CNTNAP2: variants seen among roughly 807,000 people sequenced by gnomAD.
The protein encoded by CNTNAP2 is contactin associated protein 2.
A neutral mutation model predicts 155.2 loss-of-function variants in CNTNAP2; 98 were observed. The observed-to-expected ratio is 0.63, with a 90% CI of 0.54 to 0.75. The LOEUF (loss-of-function observed/expected upper bound fraction) is 0.75, where lower values mean the gene tolerates loss of function less well. CNTNAP2 is among the 30% of genes least tolerant of loss of function. The pLI is 0.00. For synonymous variants in CNTNAP2, 651 were observed against 631.2 expected, an observed-to-expected ratio of 1.03 and a Z score of -0.47; for missense variants, 1,727 against 1,688.1, an observed-to-expected ratio of 1.02 and a Z score of -0.40.
chr7:147,252,271 G>A (rs1046185516), intron 8 of CNTNAP2, among the ~76,000 whole-genome samples: 9 of 152,162 alleles, frequency 5.9e-5, no homozygotes, highest in African/African-American at 2.2e-4. Flanking sequence ...AAAACTGATA[G>A]TCAGCTGAGT....
intron 1 of CNTNAP2, among the ~76,000 whole-genome samples, chr7:146,638,457 T>G (rs547173472): frequency 2.0e-5 from 3 of 150,010 alleles, no homozygotes; most frequent in African/African-American, 7.3e-5. Context: ...TTAAAACAGT[T>G]TAATACAGTC....
intron 13 of CNTNAP2, among the ~76,000 whole-genome samples, chr7:147,851,225 C>T (rs1448727619): frequency 4.6e-5 from 7 of 151,968 alleles, no homozygotes; most frequent in Non-Finnish European, 1.0e-4. Flanking sequence ...CAATGAGATA[C>T]CATCTCACAC....
intron 12 of CNTNAP2, among the ~76,000 whole-genome samples, chr7:147,626,426 T>G (rs1223797644): frequency 6.6e-6 from 1 of 152,084 alleles, no homozygotes; most frequent in Non-Finnish European, 1.5e-5. Flanking sequence ...CCAAGATGTC[T>G]TTTGGCCTGA....
intron 1 of CNTNAP2, among the ~76,000 whole-genome samples, chr7:146,263,473 TG>T (rs1230183938): frequency 3.3e-5 from 5 of 152,214 alleles, no homozygotes; most frequent in Non-Finnish European, 7.3e-5. Context: ...AATATAATCT[TG>T]GGTTTTTTTA....
chr7:148,142,906 C>A (rs1472273148), intron 16 of CNTNAP2, among the ~76,000 whole-genome samples: 1 of 152,146 alleles, frequency 6.6e-6, no homozygotes, highest in Non-Finnish European at 1.5e-5. Flanking sequence ...TGGTTTTGTC[C>A]CAATCATTAC....
At chr7:147,388,299 A>G (rs1195468844) in intron 9 of CNTNAP2, among the ~76,000 whole-genome samples, 1 of 152,038 alleles carries the variant, frequency 6.6e-6, no homozygotes, top group South Asian at 2.1e-4. Context: ...CCAGATTCTT[A>G]CTGTACTTTC....
chr7:147,214,176 C>T (rs888966253), intron 8 of CNTNAP2, among the ~76,000 whole-genome samples: 3 of 152,150 alleles, frequency 2.0e-5, no homozygotes, highest in Non-Finnish European at 2.9e-5. Context: ...TTTACCTTTA[C>T]CCACTCACAT....
intron 15 of CNTNAP2, among the ~76,000 whole-genome samples, chr7:148,051,365 A>T (rs936397226): frequency 1.3e-5 from 2 of 152,068 alleles, no homozygotes; most frequent in African/African-American, 4.8e-5. Flanking sequence ...GTTGGTTGTT[A>T]AGTGGCCATC....
At chr7:146,360,901 C>T (rs565862764) in intron 1 of CNTNAP2, among the ~76,000 whole-genome samples, 138 of 152,288 alleles carry the variant, frequency 9.1e-4, no homozygotes, top group African/African-American at 3.0e-3. Context: ...TTCATCAATT[C>T]GTGGCCTTAA....
In CNTNAP2 at chr7:146,246,771, G is replaced by A. The variant is rs191296777; in HGVS notation, c.97+129798G>A. 9.4e-4 allele frequency among the ~76,000 whole-genome samples: 143 copies of A among 152,292 alleles called. 1 individual carries two copies. The highest frequency in any genetic ancestry group is 9.7e-4 in the East Asian group (5 of 5,162). On this transcript the variant is annotated intron_variant, in intron 1 of 23. Transcript: ENST00000361727. The stretch of plus-strand genomic sequence containing the variant: ...ATTTCTAGTGGTGTCCTGCACAGAT[G>A]GGACTCGGCTTAGGAGGAATCCTGG...
chr7:146,141,538 C>T (rs187414151), intron 1 of CNTNAP2, among the ~76,000 whole-genome samples: 55 of 152,120 alleles, frequency 3.6e-4, no homozygotes, highest in East Asian at 3.9e-4. Context: ...TATAAGTGTT[C>T]TATATTTAAA....
rs1798655473 is a variant in CNTNAP2 at position 147,837,691 on chromosome 7, C to G, written c.2099-65874C>G. 2.0e-5 allele frequency among the ~76,000 whole-genome samples: 3 copies of G among 152,206 alleles called. No individual in the cohort carries two copies. In the South Asian group the frequency reaches 6.2e-4, roughly 31 times the overall value. ...GGGTGCAGGCATTAGATAAATACAT[C>G]ATTCCAAATCGGAGAAATTGGCCAG... is the stretch of plus-strand genomic sequence containing the variant. On this transcript the variant is annotated intron_variant, in intron 13 of 23. Transcript: ENST00000361727.
chr7:146,950,638 G>A (rs10251062), intron 3 of CNTNAP2, among the ~76,000 whole-genome samples: 6,537 of 152,128 alleles, frequency 0.043, 163 homozygotes, highest in South Asian at 0.076. Flanking sequence ...CTTTTCTATG[G>A]CTGCATAATA....
rs538099632 is a variant in CNTNAP2, at chr7:146,961,283, C to T, written c.403-82624C>T. On this transcript the variant is annotated intron_variant, in intron 3 of 23. Coordinates refer to ENST00000361727, the MANE Select transcript of CNTNAP2 (RefSeq NM_014141.6). ...CACTCAGCCCAGGGAGGACTGCTTC[C>T]GGGGCAGGTCCCCTAGGTGCCAATA... 5.3e-5 allele frequency among the ~76,000 whole-genome samples: 8 copies of T among 152,226 alleles called. No individual in the cohort carries two copies. In the South Asian group the frequency reaches 6.2e-4, roughly 12 times the overall value.
chr7:146,914,103 A>G (rs991517071), intron 3 of CNTNAP2, among the ~76,000 whole-genome samples: 22 of 152,230 alleles, frequency 1.4e-4, no homozygotes, highest in African/African-American at 5.3e-4. Context: ...ATGGCTTTTT[A>G]AAAGTAATGT....
chr7:148,005,847 C>G (rs1027043526), intron 15 of CNTNAP2, among the ~76,000 whole-genome samples: 2 of 152,054 alleles, frequency 1.3e-5, no homozygotes, highest in African/African-American at 2.4e-5. Flanking sequence ...CTGAAGAGAC[C>G]TTTGTTTTGA....
intron 21 of CNTNAP2, among the ~76,000 whole-genome samples, chr7:148,309,009 C>T (rs1220184640): frequency 6.6e-6 from 1 of 152,124 alleles, no homozygotes; most frequent in Non-Finnish European, 1.5e-5. Flanking sequence ...CAACTCTTTG[C>T]TATTGTGAAT....
In CNTNAP2 at chr7:147,852,165, A is replaced by T. The variant is rs116425899; in HGVS notation, c.2099-51400A>T. Among the ~76,000 whole-genome samples the T allele has an allele frequency of 7.8e-3, 1,186 of 152,296 alleles. 17 individuals carry two copies. The highest frequency in any genetic ancestry group is 0.027 in the African/African-American group (1,130 of 41,560). Reference sequence around the variant, plus strand: ...TTATCACATGGCCGAACACTTTACAACATGAATTCATGAATTATGTAGTTA... The same window carrying T: ...TTATCACATGGCCGAACACTTTACATCATGAATTCATGAATTATGTAGTTA... On this transcript the variant is annotated intron_variant, in intron 13 of 23. Transcript: ENST00000361727.
intron 1 of CNTNAP2, among the ~76,000 whole-genome samples, chr7:146,557,274 C>G (rs955640295): frequency 1.3e-5 from 2 of 151,878 alleles, no homozygotes; most frequent in African/African-American, 2.4e-5. Flanking sequence ...AAGGAGAGGA[C>G]TAAGAAGACA....
Sources: gnomAD v4.1 joint callset for allele counts (sites outside exome capture counted in the v4.1 genomes callset) on GRCh38, gnomAD v4.1.1 for gene constraint, MANE v1.5 for transcripts, NCBI Gene and HGNC (gene_info 2026-07-23, HGNC 2026-07-21) for gene names.